Variants in NIN observed in about 807,000 individuals in gnomAD.
NIN encodes ninein.
In NIN, 137 loss-of-function variants were observed where a neutral mutation model predicts 257.6. The observed-to-expected ratio is 0.53, with a 90% CI of 0.46 to 0.61. The LOEUF is 0.61. Ranked by LOEUF, NIN falls within the 20% of genes least tolerant of loss-of-function variation. The probability of loss-of-function intolerance (pLI) is 0.00; values close to 1 mark genes in which losing one functional copy is unlikely to be tolerated. For synonymous variants in NIN, 918 were observed against 919.8 expected, an observed-to-expected ratio of 1.00 and a Z score of 0.04; for missense variants, 2,439 against 2,501.2, an observed-to-expected ratio of 0.98 and a Z score of 0.53.
rs1159742953 is a variant in NIN, at chr14:50,720,504, A to G, written c.*2959T>C. On this transcript the variant is annotated 3_prime_UTR_variant, in exon 31 of 31. Transcript: ENST00000530997. Reference sequence around the variant, plus strand: ...GGTAATAGTGCATTATTAAAATACTAGACCTGCAAGATCTCTTCCTATGCC... The same window carrying G: ...GGTAATAGTGCATTATTAAAATACTGGACCTGCAAGATCTCTTCCTATGCC... The G allele has an allele frequency of 9.5e-6, 2 of 209,634 alleles. No homozygotes were observed. The highest frequency in any genetic ancestry group is 1.9e-5 in the Non-Finnish European group (2 of 102,806). 13.0% of individuals were successfully genotyped at this position (209,634 alleles called of 1,614,324 possible).
intron 3 of NIN, among the ~76,000 whole-genome samples, chr14:50,808,237 C>T (rs2044420280): frequency 1.3e-5 from 2 of 152,128 alleles, no homozygotes; most frequent in South Asian, 2.1e-4. Flanking sequence ...GCCAAACATC[C>T]TGGGGGAGGG....
At chr14:50,800,217 C>G (rs1056934088) in intron 4 of NIN, among the ~76,000 whole-genome samples, 2 of 152,142 alleles carry the variant, frequency 1.3e-5, no homozygotes, top group African/African-American at 4.8e-5. Context: ...GCTACTTAGT[C>G]ATTGTTTACA....
intron 4 of NIN, among the ~76,000 whole-genome samples, chr14:50,799,089 A>G (rs186506141): frequency 2.6e-5 from 4 of 152,252 alleles, no homozygotes; most frequent in Admixed American, 6.5e-5. Context: ...ACATTTTTCT[A>G]AAAGCATTTT....
At position 50,831,086 on chromosome 14, in the gene NIN, G is replaced by A. The variant is rs1300627343; in HGVS notation, c.-156C>T. The A allele has an allele frequency of 6.7e-6, 1 of 149,818 alleles. No individual in the cohort carries two copies. Among genetic ancestry groups the A allele is most frequent in the Non-Finnish European group, 1.5e-5 (1 of 67,210 alleles). The allele number at this position is 149,818 out of a possible 1,614,324, so 9.3% of individuals were successfully genotyped here. A position where few individuals can be genotyped will look rare whatever the true frequency, so the allele number is the denominator to read the frequency against. On this transcript the variant is annotated 5_prime_UTR_variant, in exon 1 of 31. Transcript: ENST00000530997. Reference sequence around the variant, plus strand: ...ACTCCGGGCTTGGCGGCGGCAGCGGGACGGCCGCGCCCAGCGCGCTCGGCT... The same window carrying A: ...ACTCCGGGCTTGGCGGCGGCAGCGGAACGGCCGCGCCCAGCGCGCTCGGCT...
chr14:50,771,567 A>G, intron 9 of NIN, 99 bp from the exon 10 acceptor site: 2 of 1,271,896 alleles, frequency 1.6e-6, no homozygotes, highest in Non-Finnish European at 2.2e-6. Context: ...AGAGCTGACA[A>G]TGATCTAGCA....
rs2044453291 is a variant in NIN at position 50,808,870 on chromosome 14, T to C, written c.184-2052A>G. Among the ~76,000 whole-genome samples the C allele has an allele frequency of 2.6e-5, 4 of 152,220 alleles. No homozygotes were observed. In the South Asian group the frequency reaches 6.2e-4, roughly 24 times the overall value. On this transcript the variant is annotated intron_variant, in intron 3 of 30. Coordinates refer to ENST00000530997, the MANE Select transcript of NIN (RefSeq NM_020921.4). ...TAGATGCCCAGCAAGTGGTAGTTAATACTACCAATAGCTATAGTAATAGGG... is the reference window on the plus strand; with the variant it reads ...TAGATGCCCAGCAAGTGGTAGTTAACACTACCAATAGCTATAGTAATAGGG...
In NIN at chr14:50,753,847, C is replaced by T. The variant is rs1000305872; in HGVS notation, c.4734+716G>A. ...AGACGCTTATTGAATTTGCACTTCT[C>T]TAATCACTAATAAGGCTAACCATCT... On this transcript the variant is annotated intron_variant, in intron 20 of 30. Coordinates refer to ENST00000530997, the MANE Select transcript of NIN (RefSeq NM_020921.4). Among the ~76,000 whole-genome samples, 6 of 151,992 alleles carry T rather than the reference C, an allele frequency of 3.9e-5. No individual in the cohort carries two copies. The East Asian group carries it at 5.8e-4, about 15-fold the overall frequency.
At chr14:50,752,882 CATT>C (rs2041853705) in intron 20 of NIN, 149 bp from the exon 21 acceptor site, 1 of 510,824 alleles carries the variant, frequency 2.0e-6, no homozygotes, top group Non-Finnish European at 3.4e-6. Context: ...AATACACACT[CATT>C]ATTACAAATT....
intron 17 of NIN, among the ~76,000 whole-genome samples, chr14:50,759,563 G>A (rs1260820391): frequency 2.0e-5 from 3 of 151,302 alleles, no homozygotes; most frequent in Non-Finnish European, 2.9e-5. Flanking sequence ...GCGCGATCTC[G>A]GCTCACTGCA....
chr14:50,758,980 T>C (rs1048968846), intron 17 of NIN, among the ~76,000 whole-genome samples: 8 of 152,252 alleles, frequency 5.3e-5, no homozygotes, highest in African/African-American at 1.9e-4. Flanking sequence ...TTGGGAAATA[T>C]ATACCATTCC....
At position 50,735,884 on chromosome 14, in the gene NIN, T is replaced by C. The variant is rs190727226; in HGVS notation, c.5776-267A>G. Among the ~76,000 whole-genome samples the C allele has an allele frequency of 1.3e-3, 194 of 152,354 alleles. 1 individual carries two copies. Among genetic ancestry groups the C allele is most frequent in the Admixed American group, 3.9e-3 (59 of 15,300 alleles). On this transcript the variant is annotated intron_variant, in intron 27 of 30. Transcript: ENST00000530997. ...CACCCACTGTAAGAAATACGTTTTA[T>C]CTTACAACGCAGTACACACACCCAC...
At position 50,757,829 on chromosome 14, in the gene NIN, G is replaced by A. The variant is rs778390984; in HGVS notation, c.3201C>T (p.Leu1067=). The change falls in exon 18 of 31, where the codon CTC becomes CTT. Residue 1067 remains leucine (L), a synonymous_variant. Transcript: ENST00000530997. The stretch of plus-strand genomic sequence containing the variant: ...GTTCATGAGCTCTCTGCAGGCTTAA[G>A]AGGACGTCCCCATTTTCTTCCAACA... The part of the protein sequence containing the change: ...EQLLEENGDV[L]LSLQRAHEQA... The A allele has an allele frequency of 6.2e-7, 1 of 1,614,114 alleles. No homozygotes were observed. The highest frequency in any genetic ancestry group is 2.2e-5 in the East Asian group (1 of 44,882).
At chr14:50,813,701 G>A (rs1345356405) in intron 3 of NIN, among the ~76,000 whole-genome samples, 1 of 152,178 alleles carries the variant, frequency 6.6e-6, no homozygotes, top group African/African-American at 2.4e-5. Context: ...GTGCAATCAT[G>A]GAGATCAAAT....
intron 12 of NIN, among the ~76,000 whole-genome samples, chr14:50,768,637 T>C (rs1385571437): frequency 2.0e-5 from 3 of 152,164 alleles, no homozygotes; most frequent in African/African-American, 7.2e-5. Context: ...GCACTGGGAC[T>C]TGGTGGCAGC....
At chr14:50,768,354 G>T (rs532160837) in intron 12 of NIN, among the ~76,000 whole-genome samples, 16 of 152,278 alleles carry the variant, frequency 1.1e-4, no homozygotes, top group African/African-American at 3.9e-4. Context: ...GAACAACATA[G>T]AGTAATCTCT....
At chr14:50,805,610 T>G (rs2142185044) in intron 4 of NIN, among the ~76,000 whole-genome samples, 1 of 152,254 alleles carries the variant, frequency 6.6e-6, no homozygotes, top group East Asian at 1.9e-4. Flanking sequence ...AGAAATGAGC[T>G]CCCATCTGTG....
chr14:50,754,742 C>G lies in NIN; in HGVS notation c.4664G>C (p.Trp1555Ser), dbSNP rs199889476. The G allele has an allele frequency of 2.4e-5, 38 of 1,584,710 alleles. No homozygotes were observed. The African/African-American group carries it at 3.9e-4, about 16-fold the overall frequency. ...AGGAAAATGTAAGTATACGTCTTAC[C>G]ACATTTCTTCCTGAGATCCATTTAA... Reference protein sequence around the residue: ...GTLNGSQEEMWQKTETVKQEN... With the variant: ...GTLNGSQEEMSQKTETVKQEN... The change falls in exon 19 of 31, where the codon TGG becomes TCG. Residue 1555 changes from tryptophan (W) to serine (S), a missense_variant and splice_region_variant. Physicochemically the swap from Trp to Ser is radical, Grantham distance 177. Around this residue, in one of 3 missense-constraint regions of NIN, gnomAD observed 2,043 missense variants for 2,050.2 expected, o/e 1.00. Coordinates refer to ENST00000530997, the MANE Select transcript of NIN (RefSeq NM_020921.4).
At chr14:50,759,103 G>A (rs1444067673) in intron 17 of NIN, among the ~76,000 whole-genome samples, 1 of 152,168 alleles carries the variant, frequency 6.6e-6, no homozygotes, top group Non-Finnish European at 1.5e-5. Flanking sequence ...GTCAATCAGC[G>A]TGTGACGAAA....
At position 50,758,353 on chromosome 14, in the gene NIN, C is replaced by T. The variant is rs533961713; in HGVS notation, c.2677G>A (p.Glu893Lys). ...EKTTSLVLTQ[E>K]REMLEKTYKE... Reference sequence around the variant, plus strand: ...TATGTTTTCTCCAGCATCTCTCTCTCCTGGGTCAGGACCAGAGAAGTTGTT... The same window carrying T: ...TATGTTTTCTCCAGCATCTCTCTCTTCTGGGTCAGGACCAGAGAAGTTGTT... The change falls in exon 18 of 31, where the codon GAG (glutamate) becomes AAG (lysine). Residue 893 changes from glutamate to lysine, a missense_variant. Transcript: ENST00000530997. The T allele has an allele frequency of 7.4e-6, 12 of 1,614,258 alleles. No individual in the cohort carries two copies. Among genetic ancestry groups the T allele is most frequent in the Non-Finnish European group, 1.0e-5 (12 of 1,180,040 alleles).
Sources: allele counts gnomAD v4.1 joint callset (sites outside exome capture counted in the v4.1 genomes callset), GRCh38; gene constraint gnomAD v4.1.1; regional missense constraint gnomAD v4.1.1; transcripts MANE v1.5; gene names NCBI Gene and HGNC (gene_info 2026-07-23, HGNC 2026-07-21).